The following BAG4 variants were observed in gnomAD, a reference collection of about 807,000 sequenced individuals.
BAG4 encodes the protein BAG family molecular chaperone regulator 4.
In BAG4, 28 loss-of-function variants were observed where a neutral mutation model predicts 52.1. The ratio of observed to expected loss-of-function variants is 0.54; its 90% CI spans 0.40 to 0.74. The LOEUF is 0.74. Ranked by LOEUF, BAG4 falls within the 30% of genes least tolerant of loss-of-function variation. BAG4 has a pLI of 0.00. For missense variants in BAG4, 525 were observed against 572.0 expected, an observed-to-expected ratio of 0.92 and a Z score of 0.84; for synonymous variants, 208 against 217.0, an observed-to-expected ratio of 0.96 and a Z score of 0.37.
chr8:38,180,528 A>G (rs1473504120), intron 1 of BAG4, among the ~76,000 whole-genome samples: 6 of 150,302 alleles, frequency 4.0e-5, no homozygotes, highest in Non-Finnish European at 8.9e-5. Context: ...GTCTCAAAAA[A>G]AAAAAAAAAA....
At chr8:38,181,915 A>AAG (rs1585650581) in intron 1 of BAG4, among the ~76,000 whole-genome samples, 14 of 134,676 alleles carry the variant, frequency 1.0e-4, no homozygotes, top group Non-Finnish European at 1.4e-4. Context: ...AAAAAAAAAA[A>AAG]AGGAAGTAAG....
Position 38,192,743 on chromosome 8 carries a change from C to G in BAG4, c.326C>G (p.Ser109Cys). 5.0e-6 allele frequency: 8 copies of G among 1,613,736 alleles called. No individual in the cohort carries two copies. Among genetic ancestry groups the G allele is most frequent in the Non-Finnish European group, 6.8e-6 (8 of 1,179,890 alleles). Residue 109 changes from serine to cysteine, a missense_variant, in exon 2 of 5, where the codon TCT becomes TGT. Ser to Cys is a moderately radical substitution (Grantham distance 112). Around this residue, in one of 2 missense-constraint regions of BAG4, gnomAD observed 287 missense variants for 266.1 expected, o/e 1.08. Transcript: ENST00000287322. The stretch of plus-strand genomic sequence containing the variant: ...AACTATTGGAATTCTACTGCGAGAT[C>G]TAGGGCTCCTTACCCAAGTACATAT... ...NSNYWNSTAR[S>C]RAPYPSTYPV... is the part of the protein sequence containing the mutation.
chr8:38,177,878 G>C (rs1255306201), intron 1 of BAG4, among the ~76,000 whole-genome samples: 1 of 152,098 alleles, frequency 6.6e-6, no homozygotes, highest in Non-Finnish European at 1.5e-5. Context: ...TTGTCGTTCT[G>C]CGGTGGCAGC....
intron 2 of BAG4, among the ~76,000 whole-genome samples, chr8:38,194,856 T>G (rs567842201): frequency 4.6e-4 from 69 of 149,456 alleles, no homozygotes; most frequent in African/African-American, 1.2e-3. Flanking sequence ...TGTTTTTTTT[T>G]TTTTTTGTTT....
At chr8:38,198,180 C>T (rs1281060916) in intron 2 of BAG4, among the ~76,000 whole-genome samples, 5 of 151,320 alleles carry the variant, frequency 3.3e-5, no homozygotes, top group African/African-American at 1.2e-4. Flanking sequence ...GTCAGGAAAT[C>T]GAGACCATCC....
At chr8:38,179,501 C>T (rs1803228156) in intron 1 of BAG4, among the ~76,000 whole-genome samples, 1 of 151,900 alleles carries the variant, frequency 6.6e-6, no homozygotes, top group African/African-American at 2.4e-5. Flanking sequence ...GGTGTGGTGA[C>T]ATGCCTGTAA....
At chr8:38,207,133 A>G (rs541434754) in intron 2 of BAG4, among the ~76,000 whole-genome samples, 1 of 151,800 alleles carries the variant, frequency 6.6e-6, no homozygotes, top group South Asian at 2.1e-4. Flanking sequence ...TTGTATTTTT[A>G]GTAGAGATGG....
At chr8:38,189,931 G>A (rs1216790569) in intron 1 of BAG4, among the ~76,000 whole-genome samples, 4 of 151,992 alleles carry the variant, frequency 2.6e-5, no homozygotes, top group African/African-American at 4.8e-5. Flanking sequence ...GACTACAGGC[G>A]CCCGCCACCA....
At chr8:38,190,565 G>A (rs1206030234) in intron 1 of BAG4, among the ~76,000 whole-genome samples, 8 of 151,476 alleles carry the variant, frequency 5.3e-5, no homozygotes, top group Non-Finnish European at 8.8e-5. Flanking sequence ...CTGAGTAGCT[G>A]GGACTATAGG....
chr8:38,194,409 CTTTTTTT>C (rs750931003), intron 2 of BAG4, among the ~76,000 whole-genome samples: 1 of 78,596 alleles, frequency 1.3e-5, no homozygotes, highest in South Asian at 4.2e-4. Flanking sequence ...TAGGTGTGTA[CTTTTTTT>C]TTTTTTTTTT....
chr8:38,188,209 T>TA (rs1803400508), intron 1 of BAG4, among the ~76,000 whole-genome samples: 1 of 151,298 alleles, frequency 6.6e-6, no homozygotes. Flanking sequence ...ACATGAGACA[T>TA]ATAAAAAACA....
At position 38,194,886 on chromosome 8, in the gene BAG4, G is replaced by A. The variant is rs78464484; in HGVS notation, c.378+2091G>A. 4.6e-3 allele frequency among the ~76,000 whole-genome samples: 554 copies of A among 121,344 alleles called. 31 individuals are homozygous for A. In the East Asian group the frequency reaches 0.11, roughly 23 times the overall value. 79.6% of individuals were successfully genotyped at this position (121,344 alleles called of 152,430 possible). On this transcript the variant is annotated intron_variant, in intron 2 of 4. Coordinates refer to ENST00000287322, the MANE Select transcript of BAG4 (RefSeq NM_004874.4). Reference sequence around the variant, plus strand: ...TTGTTTTTTTTTTTGGCCGAGTCTCGCTCTGTTGCCCAGGCTGGAGTGCAG... The same window carrying A: ...TTGTTTTTTTTTTTGGCCGAGTCTCACTCTGTTGCCCAGGCTGGAGTGCAG...
rs758468405 is a variant in BAG4 at position 38,189,942 on chromosome 8, C to T, written c.271-2746C>T. The stretch of plus-strand genomic sequence containing the variant: ...CTGGGACTACAGGCGCCCGCCACCA[C>T]ACCTGGCTAATTTTTTGTATTTTTA... On this transcript the variant is annotated intron_variant, in intron 1 of 4. Transcript: ENST00000287322. 1.5e-4 allele frequency among the ~76,000 whole-genome samples: 23 copies of T among 152,240 alleles called. 1 individual carries two copies. In the South Asian group the frequency reaches 1.9e-3, roughly 12 times the overall value.
rs1276768470 is a variant in BAG4 at position 38,212,766 on chromosome 8, A to T, written c.*2273A>T. 6.6e-6 allele frequency: 1 copy of T among 152,104 alleles called. No homozygotes were observed. Among genetic ancestry groups the T allele is most frequent in the Non-Finnish European group, 1.5e-5 (1 of 68,006 alleles). The allele number at this position is 152,104 out of a possible 1,614,324, so 9.4% of individuals were successfully genotyped here. A position where few individuals can be genotyped will look rare whatever the true frequency, so the allele number is the denominator to read the frequency against. ...GTAAACTTACTGTGTTTTCCTTGTAATTATTGAATATTTGCTGGAGATACC... is the reference window on the plus strand; with the variant it reads ...GTAAACTTACTGTGTTTTCCTTGTATTTATTGAATATTTGCTGGAGATACC... On this transcript the variant is annotated 3_prime_UTR_variant, in exon 5 of 5. Coordinates refer to ENST00000287322, the MANE Select transcript of BAG4 (RefSeq NM_004874.4).
intron 1 of BAG4, among the ~76,000 whole-genome samples, chr8:38,188,602 T>A (rs996273061): frequency 5.3e-5 from 8 of 150,026 alleles, no homozygotes; most frequent in African/African-American, 2.0e-4. Context: ...TATATATGCA[T>A]GTATACATAT....
intron 1 of BAG4, among the ~76,000 whole-genome samples, chr8:38,184,916 C>T (rs1054839421): frequency 6.6e-6 from 1 of 152,098 alleles, no homozygotes; most frequent in East Asian, 1.9e-4. Context: ...TGGTGAAACC[C>T]TGTCTCTACT....
At chr8:38,189,058 A>G (rs1803423486) in intron 1 of BAG4, among the ~76,000 whole-genome samples, 1 of 151,622 alleles carries the variant, frequency 6.6e-6, no homozygotes, top group Non-Finnish European at 1.5e-5. Context: ...CCTGGGTTCA[A>G]GCAATTCTCG....
At chr8:38,194,981 A>G (rs554524981) in intron 2 of BAG4, among the ~76,000 whole-genome samples, 108 of 149,918 alleles carry the variant, frequency 7.2e-4, no homozygotes, top group Middle Eastern at 3.5e-3. Flanking sequence ...CAGCCTCCCG[A>G]GTAGCTGGGA....
intron 1 of BAG4, among the ~76,000 whole-genome samples, chr8:38,188,679 ATACATATATACATGTATACATATATATG>A (rs1489623972): frequency 2.4e-4 from 35 of 146,876 alleles, no homozygotes; most frequent in Middle Eastern, 3.6e-3. Context: ...ATATACATGT[ATACATATATACATGTATACATATATATG>A]TATATATATA....
Sources: allele counts gnomAD v4.1 joint callset (sites outside exome capture counted in the v4.1 genomes callset), GRCh38; gene constraint gnomAD v4.1.1; regional missense constraint gnomAD v4.1.1; transcripts MANE v1.5; gene names NCBI Gene and HGNC (gene_info 2026-07-23, HGNC 2026-07-21).